The following RSPO1 variants were observed in gnomAD, a reference collection of about 807,000 sequenced individuals.
RSPO1 encodes R-spondin 1.
In RSPO1, 18 loss-of-function variants were observed where a neutral mutation model predicts 26.0. The ratio of observed to expected loss-of-function variants is 0.69; its 90% confidence interval spans 0.48 to 1.03. The LOEUF (loss-of-function observed/expected upper bound fraction) is 1.03, where lower values mean the gene tolerates loss of function less well. RSPO1 is among the 50% of genes least tolerant of loss of function. The probability of loss-of-function intolerance (pLI) is 0.00; values close to 1 mark genes in which losing one functional copy is unlikely to be tolerated. For missense variants in RSPO1, 309 were observed against 352.3 expected, an observed-to-expected ratio of 0.88 and a Z score of 0.98; for synonymous variants, 133 against 137.4, an observed-to-expected ratio of 0.97 and a Z score of 0.22.
At chr1:37,627,512 T>C (rs1376771770) in intron 3 of RSPO1, among the ~76,000 whole-genome samples, 4 of 152,112 alleles carry the variant, frequency 2.6e-5, no homozygotes, top group Non-Finnish European at 5.9e-5. Context: ...TAGCCAGGCA[T>C]GGTGACACAT....
chr1:37,613,888 T>G lies in RSPO1; in HGVS notation c.441A>C (p.Gln147His). Residue 147 changes from glutamine to histidine, a missense_variant, in exon 6 of 7, where the codon CAA (glutamine) becomes CAC (histidine). By Grantham distance (24) the Gln-to-His change is conservative. Transcript: ENST00000356545. The surrounding 1 kb of genome is among the most constrained non-coding windows in gnomAD (Gnocchi z 4.5). ...ACGGAGACCACTCGCTCATTTCACA[T>G]TGCGCTGGCAGGAAGAGAAGGGAAG... ...NGTMECSSPA[Q>H]CEMSEWSPWG... 1.2e-6 allele frequency: 2 copies of G among 1,613,902 alleles called. No homozygotes were observed. The highest frequency in any genetic ancestry group is 1.7e-6 in the Non-Finnish European group (2 of 1,179,948).
Position 37,629,708 on chromosome 1 carries a change from G to T in RSPO1, c.-47C>A. 3.1e-6 allele frequency: 5 copies of T among 1,609,730 alleles called. No homozygotes were observed. The South Asian group carries it at 4.4e-5, about 14-fold the overall frequency. Reference sequence around the variant, plus strand: ...CCCTGGTCGGAGGGGTGGTCTCGGGGAGGGTGGATAGCACACGGCTCTTGC... The same window carrying T: ...CCCTGGTCGGAGGGGTGGTCTCGGGTAGGGTGGATAGCACACGGCTCTTGC... On this transcript the variant is annotated 5_prime_UTR_variant, in exon 3 of 7. Transcript: ENST00000356545.
intron 4 of RSPO1, among the ~76,000 whole-genome samples, chr1:37,615,394 G>C (rs1425151449): frequency 6.6e-6 from 1 of 152,164 alleles, no homozygotes; most frequent in Non-Finnish European, 1.5e-5. Context: ...ACAACCCTAG[G>C]GGGTAAAAAC....
At chr1:37,619,456 C>T (rs1322662328) in intron 3 of RSPO1, among the ~76,000 whole-genome samples, 1 of 152,200 alleles carries the variant, frequency 6.6e-6, no homozygotes, top group Non-Finnish European at 1.5e-5. Context: ...TAAGGATGTC[C>T]ACTCCGGACA....
At position 37,612,271 on chromosome 1, in the gene RSPO1, T is replaced by A; in HGVS notation, c.*484A>T. On this transcript the variant is annotated 3_prime_UTR_variant, in exon 7 of 7. Transcript: ENST00000356545. ...GATAAAGTCACACAGCTGGGAGTGC[T>A]GAACAGGATGGGAAGAAGGTTTCTT... is the stretch of plus-strand genomic sequence containing the variant. The A allele has an allele frequency of 5.5e-6, 1 of 181,870 alleles. No individual in the cohort carries two copies. The highest frequency in any genetic ancestry group is 1.4e-4 in the East Asian group (1 of 7,172). The allele number at this position is 181,870 out of a possible 1,614,324, so 11.3% of individuals were successfully genotyped here.
chr1:37,617,661 C>CA (rs34856591), intron 3 of RSPO1, among the ~76,000 whole-genome samples: 3,880 of 36,326 alleles, frequency 0.11, 789 homozygotes, highest in African/African-American at 0.13. Flanking sequence ...GACTCCATCT[C>CA]AAAAAAAAAA....
At position 37,612,610 on chromosome 1, in the gene RSPO1, CGT is replaced by C; in HGVS notation, c.*143_*144del. 1 of 841,970 alleles carries C rather than the reference CGT, an allele frequency of 1.2e-6. No individual in the cohort carries two copies. Among genetic ancestry groups the C allele is most frequent in the Non-Finnish European group, 2.0e-6 (1 of 504,774 alleles). The allele number at this position is 841,970 out of a possible 1,614,324, so 52.2% of individuals were successfully genotyped here. On this transcript the variant is annotated 3_prime_UTR_variant, in exon 7 of 7. Transcript: ENST00000356545. ...TTGTATATGTGGACAGGGGTTTGAG[CGT>C]GTGTGTCTTGTGTCTATGTATGCAT...
intron 3 of RSPO1, among the ~76,000 whole-genome samples, chr1:37,618,025 C>G (rs1644143377): frequency 6.6e-6 from 1 of 152,200 alleles, no homozygotes; most frequent in Non-Finnish European, 1.5e-5. Context: ...TAAGGGCACT[C>G]AGGGAGCAGG....
chr1:37,629,301 GA>G (rs1290737555), intron 3 of RSPO1, among the ~76,000 whole-genome samples: 15 of 152,232 alleles, frequency 9.9e-5, no homozygotes, highest in Non-Finnish European at 2.2e-4. Flanking sequence ...ATCCTCACAA[GA>G]GAGGGGTTAA....
At chr1:37,617,501 T>C (rs1045401210) in intron 3 of RSPO1, among the ~76,000 whole-genome samples, 7 of 151,122 alleles carry the variant, frequency 4.6e-5, no homozygotes, top group Non-Finnish European at 7.4e-5. Context: ...TCTAATAAAA[T>C]TACAAAAATT....
intron 3 of RSPO1, among the ~76,000 whole-genome samples, chr1:37,620,491 C>A (rs907501799): frequency 2.6e-5 from 4 of 152,032 alleles, no homozygotes; most frequent in African/African-American, 9.6e-5. Flanking sequence ...ATTAGCTGGC[C>A]GTGGTGGCAT....
rs1053209919 is a variant in RSPO1 at position 37,634,334 on chromosome 1, G to A, written c.-356+232C>T. On this transcript the variant is annotated intron_variant, in intron 1 of 6. Coordinates refer to ENST00000356545, the MANE Select transcript of RSPO1 (RefSeq NM_001242908.2). The surrounding 1 kb of genome is among the most constrained non-coding windows in gnomAD (Gnocchi z 4.7). ...GCTGCGGGATGGAGGGGAGTTCGAG[G>A]GGAAGAGGCTGCCTGCTGGATTGAG... Among the ~76,000 whole-genome samples the A allele has an allele frequency of 1.3e-5, 2 of 152,192 alleles. No homozygotes were observed. The highest frequency in any genetic ancestry group is 4.8e-5 in the African/African-American group (2 of 41,452).
chr1:37,612,533 T>A lies in RSPO1; in HGVS notation c.*222A>T, dbSNP rs917026664. The A allele has an allele frequency of 1.8e-5, 11 of 609,622 alleles. No homozygotes were observed. Among genetic ancestry groups the A allele is most frequent in the Non-Finnish European group, 3.0e-5 (10 of 336,770 alleles). 37.8% of individuals were successfully genotyped at this position (609,622 alleles called of 1,614,324 possible). A position where few individuals can be genotyped will look rare whatever the true frequency, so the allele number is the denominator to read the frequency against. ...GTGTGTGTGTGTGTATGTGTGTGTG[T>A]GGTGTCTGTGTCTGCGTGTGTACAT... On this transcript the variant is annotated 3_prime_UTR_variant, in exon 7 of 7. Transcript: ENST00000356545.
chr1:37,612,409 A>C lies in RSPO1; in HGVS notation c.*346T>G. On this transcript the variant is annotated 3_prime_UTR_variant, in exon 7 of 7. Coordinates refer to ENST00000356545, the MANE Select transcript of RSPO1 (RefSeq NM_001242908.2). ...TGCAGTTTGGTCTCAGATGCTGGGA[A>C]GTGTTGTCTCTGACATGTCCACTGG... The C allele has an allele frequency of 9.2e-6, 3 of 327,448 alleles. No homozygotes were observed. The highest frequency in any genetic ancestry group is 1.7e-5 in the Non-Finnish European group (3 of 172,394). 20.3% of individuals were successfully genotyped at this position (327,448 alleles called of 1,614,324 possible).
chr1:37,620,595 C>T (rs1644185100), intron 3 of RSPO1, among the ~76,000 whole-genome samples: 1 of 151,462 alleles, frequency 6.6e-6, no homozygotes. Context: ...CACCTCTGCA[C>T]TCCAGTCTAG....
chr1:37,616,402 C>T, intron 4 of RSPO1, 82 bp downstream of exon 4: 1 of 1,378,580 alleles, frequency 7.3e-7, no homozygotes, highest in Non-Finnish European at 1.0e-6. Flanking sequence ...CTCCTCTTGC[C>T]AGCCACCAAT....
At chr1:37,626,525 G>A (rs545147206) in intron 3 of RSPO1, among the ~76,000 whole-genome samples, 30 of 152,218 alleles carry the variant, frequency 2.0e-4, no homozygotes, top group South Asian at 6.2e-4. Context: ...TCCCCCACTC[G>A]CTTGCGGGCT....
intron 2 of RSPO1, among the ~76,000 whole-genome samples, chr1:37,630,973 C>T (rs1049196771): frequency 2.0e-5 from 3 of 152,134 alleles, no homozygotes; most frequent in African/African-American, 7.2e-5. Context: ...ACCTGTTTCA[C>T]ATCTATAAAA....
intron 3 of RSPO1, among the ~76,000 whole-genome samples, chr1:37,624,904 A>T (rs966094462): frequency 5.3e-5 from 8 of 152,052 alleles, no homozygotes; most frequent in African/African-American, 2.4e-5. Flanking sequence ...ATATCAAACC[A>T]TTTTTGTTTC....
Sources: gnomAD v4.1 joint callset for allele counts (sites outside exome capture counted in the v4.1 genomes callset) on GRCh38, gnomAD v4.1.1 for gene constraint, Gnocchi (gnomAD v3.1) non-coding constraint, MANE v1.5 for transcripts, NCBI Gene and HGNC (gene_info 2026-07-23, HGNC 2026-07-21) for gene names.